The following MTMR12 variants were observed in gnomAD, a reference collection of about 807,000 sequenced individuals.
MTMR12 encodes myotubularin related protein 12, also known as myotubularin-related protein 12.
MTMR12 carries 33 observed loss-of-function variants against 96.7 expected under a neutral mutation model. The ratio of observed to expected loss-of-function variants is 0.34; its 90% CI spans 0.26 to 0.46. MTMR12 has a LOEUF of 0.46. Among genes scored for constraint, MTMR12 ranks in the 20% least tolerant of loss-of-function variants. The pLI is 1.00. For missense variants in MTMR12, 721 were observed against 896.1 expected (o/e 0.80, Z 2.49); for synonymous variants, 298 against 327.2 (o/e 0.91, Z 0.96).
At chr5:32,265,988 T>C (rs1749575949) in intron 6 of MTMR12, among the ~76,000 whole-genome samples, 1 of 152,118 alleles carries the variant, frequency 6.6e-6, no homozygotes, top group South Asian at 2.1e-4. Flanking sequence ...TTCTATGAAA[T>C]CACCATAGCT....
At chr5:32,248,219 TAGG>T in intron 9 of MTMR12, 93 bp from the exon 10 acceptor site, 1 of 1,374,184 alleles carries the variant, frequency 7.3e-7, no homozygotes, top group Non-Finnish European at 1.0e-6. Flanking sequence ...AAGGGCTCAG[TAGG>T]CATTCTCCCA....
chr5:32,247,211 G>A (rs1159718897), intron 10 of MTMR12, among the ~76,000 whole-genome samples: 2 of 152,140 alleles, frequency 1.3e-5, no homozygotes, highest in East Asian at 3.9e-4. Context: ...TTAGCCAGGT[G>A]AGGAGGTGTG....
In MTMR12 at chr5:32,285,519, GTTTAT is replaced by G. The variant is rs891689541; in HGVS notation, c.82-8782_82-8778del. On this transcript the variant is annotated intron_variant, in intron 1 of 15. Coordinates refer to ENST00000382142, the MANE Select transcript of MTMR12 (RefSeq NM_001040446.3). The stretch of plus-strand genomic sequence containing the variant: ...CCAATGTTATGGCTACTTTTTATTT[GTTTAT>G]TTTATTTTTTAAAAAAAGATGAAGA... 1.5e-4 allele frequency among the ~76,000 whole-genome samples: 23 copies of G among 151,992 alleles called. No individual in the cohort carries two copies. In the South Asian group the frequency reaches 4.2e-3, roughly 27 times the overall value.
chr5:32,254,315 A>T (rs1257671426), intron 8 of MTMR12, among the ~76,000 whole-genome samples: 2 of 152,230 alleles, frequency 1.3e-5, no homozygotes, highest in Admixed American at 6.5e-5. Flanking sequence ...CTTTTGGTAC[A>T]AAAGCAGTGG....
intron 15 of MTMR12, among the ~76,000 whole-genome samples, chr5:32,231,267 G>C (rs1747983505): frequency 1.3e-5 from 2 of 151,662 alleles, no homozygotes; most frequent in Admixed American, 1.3e-4. Context: ...TGTGGTGGTG[G>C]GCACCCGAGG....
chr5:32,248,996 C>A, intron 8 of MTMR12, 118 bp from the exon 9 acceptor site: 1 of 747,564 alleles, frequency 1.3e-6, no homozygotes. Context: ...AATGGCTGGA[C>A]ATACTTAACT....
chr5:32,235,776 C>A (rs1487910681), intron 13 of MTMR12, among the ~76,000 whole-genome samples: 1 of 152,182 alleles, frequency 6.6e-6, no homozygotes, highest in Non-Finnish European at 1.5e-5. Context: ...TTATTAGCTC[C>A]CAGAGGCGAG....
intron 6 of MTMR12, among the ~76,000 whole-genome samples, chr5:32,263,714 A>G (rs1198784057): frequency 1.3e-5 from 2 of 152,220 alleles, no homozygotes; most frequent in Admixed American, 6.5e-5. Context: ...CTGGGATTAC[A>G]GGAGTGAGCC....
In MTMR12 at chr5:32,312,684, C is replaced by A; in HGVS notation, c.81+74G>T. 1 of 1,272,762 alleles carries A rather than the reference C, an allele frequency of 7.9e-7. No individual in the cohort carries two copies. The allele number at this position is 1,272,762 out of a possible 1,614,324, so 78.8% of individuals were successfully genotyped here. A position where few individuals can be genotyped will look rare whatever the true frequency, so the allele number is the denominator to read the frequency against. ...AAGCGCTCCGCGGCGCTCCCCGCTG[C>A]AAGGAAGGGGCTCCCGGCGCCCCTC... On this transcript the variant is annotated intron_variant, in intron 1 of 15. Transcript: ENST00000382142. This position sits in a 1 kb window ranked among gnomAD's most constrained non-coding sequence, Gnocchi z 5.0.
chr5:32,237,749 A>G (rs945363519), intron 13 of MTMR12, among the ~76,000 whole-genome samples: 3 of 151,230 alleles, frequency 2.0e-5, no homozygotes, highest in Non-Finnish European at 4.4e-5. Flanking sequence ...TGACCTTGTG[A>G]CCCACCTGCC....
At chr5:32,302,868 C>A (rs929393090) in intron 1 of MTMR12, among the ~76,000 whole-genome samples, 1 of 152,164 alleles carries the variant, frequency 6.6e-6, no homozygotes, top group Non-Finnish European at 1.5e-5. Flanking sequence ...ATAACCAAAT[C>A]ATTCGCAAAT....
At chr5:32,232,046 C>T (rs897219814) in intron 15 of MTMR12, among the ~76,000 whole-genome samples, 1 of 152,222 alleles carries the variant, frequency 6.6e-6, no homozygotes, top group Non-Finnish European at 1.5e-5. Flanking sequence ...TCCTGGAAGC[C>T]CCCTTCTCTC....
intron 3 of MTMR12, among the ~76,000 whole-genome samples, chr5:32,272,246 G>A (rs943265348): frequency 6.6e-6 from 1 of 151,898 alleles, no homozygotes; most frequent in Non-Finnish European, 1.5e-5. Context: ...AGCCGAGATC[G>A]CACCACTGCA....
chr5:32,229,961 G>A lies in MTMR12; in HGVS notation c.2061C>T (p.Ala687=), dbSNP rs1415678172. 7 of 1,611,940 alleles carry A rather than the reference G, an allele frequency of 4.3e-6. No homozygotes were observed. Among genetic ancestry groups the A allele is most frequent in the Non-Finnish European group, 5.9e-6 (7 of 1,178,790 alleles). The change falls in exon 16 of 16, where the codon GCC becomes GCT. Residue 687 remains alanine, a synonymous_variant. Transcript: ENST00000382142. ...KIDERHHSQQ[A]PQAEAPCLLR... ...GCAGGCAGGGGGCCTCAGCCTGGGG[G>A]GCCTGCTGGCTGTGGTGTCTCTCGT...
intron 10 of MTMR12, 75 bp from the exon 11 acceptor site, chr5:32,243,674 T>G (rs1177750949): frequency 5.7e-6 from 5 of 879,666 alleles, no homozygotes; most frequent in African/African-American, 1.7e-5. Flanking sequence ...CCTGTGCTCC[T>G]CAACTGTGTC....
At position 32,263,119 on chromosome 5, in the gene MTMR12, C is replaced by T. The variant is rs1183990208; in HGVS notation, c.707G>A (p.Cys236Tyr). The T allele has an allele frequency of 1.2e-6, 2 of 1,614,188 alleles. No homozygotes were observed. The highest frequency in any genetic ancestry group is 1.3e-5 in the African/African-American group (1 of 75,062). Reference protein sequence around the residue: ...AVSVNEGYKVCERLPAYFVVP... With the variant: ...AVSVNEGYKVYERLPAYFVVP... ...CCCAGCATGGAAAGCTTACCTCTCACAGACTTTATAGCCTTCGTTGACACT... is the reference window on the plus strand; with the variant it reads ...CCCAGCATGGAAAGCTTACCTCTCATAGACTTTATAGCCTTCGTTGACACT... The change falls in exon 7 of 16, where the codon TGT becomes TAT. Residue 236 changes from cysteine to tyrosine, a missense_variant. Cys to Tyr is a radical substitution (Grantham distance 194, BLOSUM62 -2). Transcript: ENST00000382142.
chr5:32,247,795 A>G, intron 10 of MTMR12: 2 of 985,298 alleles, frequency 2.0e-6, no homozygotes, highest in Non-Finnish European at 2.4e-6. Context: ...TCACTGCCAC[A>G]ATAAGGAGGC....
Position 32,235,255 on chromosome 5 carries a change from C to G in MTMR12, c.1345-126G>C, listed in dbSNP as rs1012178207. 67 of 785,622 alleles carry G rather than the reference C, an allele frequency of 8.5e-5. 1 individual carries two copies. In the South Asian group the frequency reaches 1.4e-3, roughly 16 times the overall value. 48.7% of individuals were successfully genotyped at this position (785,622 alleles called of 1,614,324 possible). A position where few individuals can be genotyped will look rare whatever the true frequency, so the allele number is the denominator to read the frequency against. On this transcript the variant is annotated intron_variant, in intron 13 of 15. Coordinates refer to ENST00000382142, the MANE Select transcript of MTMR12 (RefSeq NM_001040446.3). ...TGAGGACTTCATTCTCTGGGAAACA[C>G]AGAATACTCCATACCATCCCAAGTG...
Position 32,230,129 on chromosome 5 carries a change from G to C in MTMR12, c.1893C>G (p.Ile631Met), listed in dbSNP as rs1270013727. The C allele has an allele frequency of 1.2e-6, 2 of 1,613,176 alleles. No homozygotes were observed. The highest frequency in any genetic ancestry group is 2.2e-5 in the East Asian group (1 of 44,852). ...CCCAGACTTTGATTTCGGGCCCCTCGATATGCGGTAACAACAAACCATGGT... is the reference window on the plus strand; with the variant it reads ...CCCAGACTTTGATTTCGGGCCCCTCCATATGCGGTAACAACAAACCATGGT... ...TDYHGLLLPH[I>M]EGPEIKVWAQ... The change falls in exon 16 of 16, where the codon ATC becomes ATG. Residue 631 changes from isoleucine to methionine, a missense_variant. Ile to Met is a conservative substitution (Grantham distance 10). Coordinates refer to ENST00000382142, the MANE Select transcript of MTMR12 (RefSeq NM_001040446.3).
Sources: allele counts gnomAD v4.1 joint callset (sites outside exome capture counted in the v4.1 genomes callset), GRCh38; gene constraint gnomAD v4.1.1; non-coding constraint Gnocchi (gnomAD v3.1); transcripts MANE v1.5; gene names NCBI Gene and HGNC (gene_info 2026-07-23, HGNC 2026-07-21).